The following HNRNPM variants were observed in gnomAD, a reference collection of about 807,000 sequenced individuals.
The protein encoded by HNRNPM is CEA receptor.
A neutral mutation model predicts 73.1 loss-of-function variants in HNRNPM; 11 were observed. The ratio of observed to expected loss-of-function variants is 0.15; its 90% CI spans 0.09 to 0.25. The LOEUF is 0.25. HNRNPM is among the 10% of genes least tolerant of loss of function. The pLI is 1.00. For synonymous variants in HNRNPM, 407 were observed against 355.2 expected (o/e 1.15, Z -1.64); for missense variants, 789 against 1,067.9 (o/e 0.74, Z 3.64).
rs1971221184 is a variant in HNRNPM at position 8,485,600 on chromosome 19, CAGGTGG to C, written c.1182_1187del (p.Gly395_Gly396del). 3 of 1,596,114 alleles carry C rather than the reference CAGGTGG, an allele frequency of 1.9e-6. No homozygotes were observed. Among genetic ancestry groups the C allele is most frequent in the South Asian group, 1.1e-5 (1 of 90,728 alleles). Reference sequence around the variant, plus strand: ...CCACCTGTGTTTTGTGTCCCTGTTTCAGGTGGAGGTGGAGGAAGCGTCCCTGGGATC... The same window carrying C: ...CCACCTGTGTTTTGTGTCCCTGTTTCAGGTGGAGGAAGCGTCCCTGGGATC... On this transcript the variant is annotated splice_acceptor_variant and coding_sequence_variant, in exon 14 of 16. Transcript: ENST00000325495. LOFTEE classifies it high-confidence loss of function.
chr19:8,449,368 T>G (rs1170883607), intron 1 of HNRNPM, among the ~76,000 whole-genome samples: 1 of 152,188 alleles, frequency 6.6e-6, no homozygotes, highest in Admixed American at 6.5e-5. Context: ...GTCCCTTTGC[T>G]AGTCTGTAAT....
chr19:8,457,711 C>G (rs1312404256), intron 2 of HNRNPM, among the ~76,000 whole-genome samples: 1 of 152,174 alleles, frequency 6.6e-6, no homozygotes, highest in Admixed American at 6.5e-5. Flanking sequence ...AAGAAATACT[C>G]TTCTTATTAC....
intron 12 of HNRNPM, among the ~76,000 whole-genome samples, chr19:8,477,579 G>C (rs1381653679): frequency 6.7e-6 from 1 of 149,956 alleles, no homozygotes; most frequent in East Asian, 2.0e-4. Flanking sequence ...TTGAGCCCAG[G>C]AGGTCGAGGC....
Position 8,462,061 on chromosome 19 carries a change from C to T in HNRNPM, c.284-468C>T, listed in dbSNP as rs1341513306. The stretch of plus-strand genomic sequence containing the variant: ...AAGCTGGCCCTGCGGCCGTGTGTGC[C>T]TGTGAGCTTATACCTTCGCATACGT... On this transcript the variant is annotated intron_variant, in intron 2 of 15. Coordinates refer to ENST00000325495, the MANE Select transcript of HNRNPM (RefSeq NM_005968.5). This position sits in a 1 kb window ranked among gnomAD's most constrained non-coding sequence, Gnocchi z 4.5. 1 of 160,096 alleles carries T rather than the reference C, an allele frequency of 6.2e-6. No homozygotes were observed. Among genetic ancestry groups the T allele is most frequent in the Non-Finnish European group, 1.4e-5 (1 of 72,274 alleles). The allele number at this position is 160,096 out of a possible 1,614,324, so 9.9% of individuals were successfully genotyped here. A position where few individuals can be genotyped will look rare whatever the true frequency, so the allele number is the denominator to read the frequency against.
intron 7 of HNRNPM, 86 bp downstream of exon 7, chr19:8,466,474 C>A: frequency 7.6e-7 from 1 of 1,321,420 alleles, no homozygotes. Context: ...GAAGAGGTGA[C>A]TGTGTGTATT....
In HNRNPM at chr19:8,488,974, G is replaced by A. The variant is rs1205801456; in HGVS notation, c.*120G>A. 2.1e-6 allele frequency: 2 copies of A among 933,958 alleles called. No homozygotes were observed. Among genetic ancestry groups the A allele is most frequent in the Non-Finnish European group, 3.2e-6 (2 of 634,106 alleles). 57.9% of individuals were successfully genotyped at this position (933,958 alleles called of 1,614,324 possible). ...TTAAAAAATTCAGTTGCTTTTTGGGGTAATTTGAATTACTTTTTTAATGAC... is the reference window on the plus strand; with the variant it reads ...TTAAAAAATTCAGTTGCTTTTTGGGATAATTTGAATTACTTTTTTAATGAC... On this transcript the variant is annotated 3_prime_UTR_variant, in exon 16 of 16. Transcript: ENST00000325495.
intron 13 of HNRNPM, 83 bp downstream of exon 13, chr19:8,483,294 G>C: frequency 9.5e-7 from 1 of 1,056,834 alleles, no homozygotes. Context: ...GGTGAGAAGT[G>C]CGGGTTCTGA....
intron 2 of HNRNPM, among the ~76,000 whole-genome samples, chr19:8,457,590 T>C (rs936540412): frequency 1.3e-5 from 2 of 152,174 alleles, no homozygotes; most frequent in African/African-American, 4.8e-5. Flanking sequence ...TTATTAGCGG[T>C]ATAGGATTGT....
chr19:8,457,945 CTT>C (rs1018546437), intron 2 of HNRNPM, among the ~76,000 whole-genome samples: 3 of 152,180 alleles, frequency 2.0e-5, no homozygotes, highest in Non-Finnish European at 2.9e-5. Flanking sequence ...CCTAAGCACT[CTT>C]TATCAGTCTG....
At chr19:8,460,586 G>C (rs995483156) in intron 2 of HNRNPM, among the ~76,000 whole-genome samples, 1 of 152,274 alleles carries the variant, frequency 6.6e-6, no homozygotes, top group East Asian at 1.9e-4. Context: ...CTCTCTTTTT[G>C]TTAAAGTGGT....
At chr19:8,453,168 G>A (rs1806451289) in intron 1 of HNRNPM, among the ~76,000 whole-genome samples, 1 of 151,760 alleles carries the variant, frequency 6.6e-6, no homozygotes, top group South Asian at 2.1e-4. Flanking sequence ...TGGAGACAGA[G>A]TCTCATTATG....
Position 8,467,583 on chromosome 19 carries a change from T to A in HNRNPM, c.833T>A (p.Met278Lys). ...LLFDRPMHVK[M>K]DERALPKGDF... ...TTTGATAGACCAATGCACGTCAAGA[T>A]GGTAAGTCAGTAGGATCTTTCTCTG... is the stretch of plus-strand genomic sequence containing the variant. The change falls in exon 8 of 16, where the codon ATG (methionine) becomes AAG (lysine). Residue 278 changes from methionine to lysine, a missense_variant and splice_region_variant. Met to Lys is a moderately conservative substitution (Grantham distance 95). Transcript: ENST00000325495. The A allele has an allele frequency of 6.2e-7, 1 of 1,607,954 alleles. No homozygotes were observed. The highest frequency in any genetic ancestry group is 8.5e-7 in the Non-Finnish European group (1 of 1,174,426).
In HNRNPM at chr19:8,455,398, A is replaced by T. The variant is rs1372920464; in HGVS notation, c.114-7A>T. The T allele has an allele frequency of 3.7e-6, 6 of 1,607,796 alleles. No individual in the cohort carries two copies. Among genetic ancestry groups the T allele is most frequent in the Non-Finnish European group, 5.1e-6 (6 of 1,177,560 alleles). On this transcript the variant is annotated splice_region_variant and splice_polypyrimidine_tract_variant and intron_variant, in intron 1 of 15. Transcript: ENST00000325495. ...CTTTACCTTTTTTTCCTCTCTCTCGAATTCAGTGAAGGAGAACGACCTGCT... is the reference window on the plus strand; with the variant it reads ...CTTTACCTTTTTTTCCTCTCTCTCGTATTCAGTGAAGGAGAACGACCTGCT...
intron 10 of HNRNPM, among the ~76,000 whole-genome samples, chr19:8,473,385 C>T (rs184806015): frequency 7.9e-4 from 120 of 151,954 alleles, no homozygotes; most frequent in African/African-American, 2.8e-3. Flanking sequence ...TGCTTGAACC[C>T]GGGAGGTGGA....
chr19:8,484,173 CTTTTTTTTTT>C (rs33931165), intron 13 of HNRNPM, among the ~76,000 whole-genome samples: 2,510 of 110,198 alleles, frequency 0.023, 54 homozygotes, highest in African/African-American at 0.048. Context: ...CCTCCCATTT[CTTTTTTTTTT>C]TTTTTTTTTG....
At chr19:8,479,055 TTCC>T (rs1252967330) in intron 12 of HNRNPM, among the ~76,000 whole-genome samples, 2 of 150,856 alleles carry the variant, frequency 1.3e-5, no homozygotes, top group Non-Finnish European at 2.9e-5. Flanking sequence ...GCAGAGCAAT[TTCC>T]TCCTCTTTTT....
chr19:8,484,018 T>TC (rs541498601), intron 13 of HNRNPM, among the ~76,000 whole-genome samples: 92 of 152,218 alleles, frequency 6.0e-4, no homozygotes, highest in Non-Finnish European at 9.3e-4. Flanking sequence ...CCTGCATACC[T>TC]CCAGAGTGCT....
intron 1 of HNRNPM, among the ~76,000 whole-genome samples, chr19:8,453,136 T>G (rs1348989814): frequency 6.6e-6 from 1 of 151,586 alleles, no homozygotes; most frequent in Non-Finnish European, 1.5e-5. Context: ...TGGTCTCAAG[T>G]GAATACTTTT....
chr19:8,468,111 G>C (rs1229982584), intron 8 of HNRNPM, among the ~76,000 whole-genome samples: 1 of 152,230 alleles, frequency 6.6e-6, no homozygotes, highest in Non-Finnish European at 1.5e-5. Context: ...ACAGTTGACT[G>C]TTCATGGCGC....
Sources: gnomAD v4.1 joint callset for allele counts (sites outside exome capture counted in the v4.1 genomes callset) on GRCh38, gnomAD v4.1.1 for gene constraint, Gnocchi (gnomAD v3.1) non-coding constraint, MANE v1.5 for transcripts, NCBI Gene and HGNC (gene_info 2026-07-23, HGNC 2026-07-21) for gene names.